Variants in SRSF3 observed in about 807,000 individuals in gnomAD.
SRSF3 encodes serine/arginine-rich splicing factor 3.
For synonymous variants in SRSF3, 87 were observed against 73.6 expected (o/e 1.18, Z -0.93); for missense variants, 58 against 217.1 (o/e 0.27, Z 4.61).
chr6:36,604,254 T>G lies in SRSF3; in HGVS notation c.*2265T>G, dbSNP rs879822634. On this transcript the variant is annotated 3_prime_UTR_variant, in exon 6 of 6. Coordinates refer to ENST00000373715, the MANE Select transcript of SRSF3 (RefSeq NM_003017.5). ...GATCAAGGTGTTCACTAGAAGTCAC[T>G]GTTACTAATACTTGATGACAATGTA... The G allele has an allele frequency of 4.6e-6, 1 of 217,058 alleles. No homozygotes were observed. The highest frequency in any genetic ancestry group is 5.8e-5 in the Admixed American group (1 of 17,236). 13.4% of individuals were successfully genotyped at this position (217,058 alleles called of 1,614,324 possible).
rs534013673 is a variant in SRSF3, at chr6:36,605,094, T to C, written c.*3105T>C. On this transcript the variant is annotated 3_prime_UTR_variant, in exon 6 of 6. Transcript: ENST00000373715. ...TCCAGTAGTGTTGAATTTGATTTTA[T>C]GTCCACTCTAATTTTTTTCATCCTG... The C allele has an allele frequency of 3.3e-5, 5 of 152,360 alleles. No homozygotes were observed. The South Asian group carries it at 1.0e-3, about 32-fold the overall frequency. 9.4% of individuals were successfully genotyped at this position (152,360 alleles called of 1,614,324 possible).
At chr6:36,597,078 CTTTAGATACAATTGGGATCTTTTTTTT>C in intron 2 of SRSF3, 110 bp downstream of exon 2, 2 of 564,286 alleles carry the variant, frequency 3.5e-6, no homozygotes, top group Non-Finnish European at 6.2e-6. Flanking sequence ...CCAATTGTAT[CTTTAGATACAATTGGGATCTTTTTTTT>C]TTTTTTTTTT....
chr6:36,601,687 A>T lies in SRSF3; in HGVS notation c.381-21A>T, dbSNP rs766819071. On this transcript the variant is annotated intron_variant, in intron 4 of 5. Transcript: ENST00000373715. ...AATTTTATCATACCTCATTGGTCCTAATGTTTTTTTGCTTGTTTAGGTCCC... is the reference window on the plus strand; with the variant it reads ...AATTTTATCATACCTCATTGGTCCTTATGTTTTTTTGCTTGTTTAGGTCCC... The T allele has an allele frequency of 3.2e-6, 5 of 1,576,068 alleles. No homozygotes were observed. The South Asian group carries it at 5.6e-5, about 18-fold the overall frequency.
intron 3 of SRSF3, chr6:36,600,188 A>AT (rs1454740539): frequency 9.4e-7 from 1 of 1,068,238 alleles, no homozygotes; most frequent in African/African-American, 1.7e-5. Context: ...CCAACGCAAC[A>AT]TCTGGCAAAA....
intron 3 of SRSF3, 30 bp from the exon 4 acceptor site, chr6:36,601,122 T>G (rs1030985881): frequency 6.2e-7 from 1 of 1,607,626 alleles, no homozygotes; most frequent in Admixed American, 1.7e-5. Context: ...TAATTGATGA[T>G]GAGCCTAATT....
intron 2 of SRSF3, 58 bp downstream of exon 2, chr6:36,597,026 C>G: frequency 2.0e-6 from 3 of 1,512,832 alleles, no homozygotes; most frequent in Non-Finnish European, 2.7e-6. Context: ...TATTTAAAAT[C>G]TACAGGATAT....
chr6:36,603,726 T>C lies in SRSF3; in HGVS notation c.*1737T>C, dbSNP rs1778761711. 8.7e-6 allele frequency: 2 copies of C among 230,580 alleles called. No homozygotes were observed. 14.3% of individuals were successfully genotyped at this position (230,580 alleles called of 1,614,324 possible). On this transcript the variant is annotated 3_prime_UTR_variant, in exon 6 of 6. Transcript: ENST00000373715. Reference sequence around the variant, plus strand: ...GCATTTTGTCTTTAGTATTCTCACATAGCCTACAACCTGTTCCTGTTAGGA... The same window carrying C: ...GCATTTTGTCTTTAGTATTCTCACACAGCCTACAACCTGTTCCTGTTAGGA...
intron 5 of SRSF3, 72 bp from the exon 6 acceptor site, chr6:36,601,890 T>G: frequency 6.3e-7 from 1 of 1,593,468 alleles, no homozygotes; most frequent in South Asian, 1.2e-5. Flanking sequence ...AAGTTCTATT[T>G]CGATATGTCA....
In SRSF3 at chr6:36,603,289, T is replaced by TC. The variant is rs1006137949; in HGVS notation, c.*1301dup. 5 of 225,028 alleles carry TC rather than the reference T, an allele frequency of 2.2e-5. No individual in the cohort carries two copies. Among genetic ancestry groups the TC allele is most frequent in the African/African-American group, 1.1e-4 (5 of 44,886 alleles). 13.9% of individuals were successfully genotyped at this position (225,028 alleles called of 1,614,324 possible). A position where few individuals can be genotyped will look rare whatever the true frequency, so the allele number is the denominator to read the frequency against. Reference sequence around the variant, plus strand: ...TGCATGGGAATTCTAAGCTGATCCATCATGATGTAAAAGTTCACAATATGG... The same window carrying TC: ...TGCATGGGAATTCTAAGCTGATCCATCCATGATGTAAAAGTTCACAATATGG... On this transcript the variant is annotated 3_prime_UTR_variant, in exon 6 of 6. Transcript: ENST00000373715.
intron 3 of SRSF3, chr6:36,600,398 A>G: frequency 1.8e-6 from 1 of 567,302 alleles, no homozygotes; most frequent in Non-Finnish European, 2.2e-6. Context: ...GTACATATAT[A>G]TTGCTTGAAA....
chr6:36,601,259 A>G, intron 4 of SRSF3, 69 bp downstream of exon 4: 6 of 1,534,398 alleles, frequency 3.9e-6, no homozygotes, highest in Middle Eastern at 1.7e-4. Context: ...AAACTTTTCC[A>G]GGTGGCTTAG....
At chr6:36,596,560 A>C (rs1778630441) in intron 1 of SRSF3, among the ~76,000 whole-genome samples, 1 of 53,738 alleles carries the variant, frequency 1.9e-5, no homozygotes, top group Non-Finnish European at 3.5e-5. Context: ...AGTAAAGATA[A>C]TGGGGCGGGG....
chr6:36,603,879 A>G lies in SRSF3; in HGVS notation c.*1890A>G. 1 of 231,084 alleles carries G rather than the reference A, an allele frequency of 4.3e-6. No homozygotes were observed. The highest frequency in any genetic ancestry group is 8.6e-6 in the Non-Finnish European group (1 of 116,762). The allele number at this position is 231,084 out of a possible 1,614,324, so 14.3% of individuals were successfully genotyped here. On this transcript the variant is annotated 3_prime_UTR_variant, in exon 6 of 6. Transcript: ENST00000373715. The stretch of plus-strand genomic sequence containing the variant: ...ACTTCCTTGCAGGCTCTTAAGTTGG[A>G]AGGGTTTCTGTAAAAAGGACAGTTA...
At chr6:36,597,091 T>G in intron 2 of SRSF3, 123 bp downstream of exon 2, 1 of 670,122 alleles carries the variant, frequency 1.5e-6, no homozygotes, top group Non-Finnish European at 2.4e-6. Flanking sequence ...TAGATACAAT[T>G]GGGATCTTTT....
chr6:36,599,021 A>G, intron 3 of SRSF3, 38 bp downstream of exon 3: 1 of 1,609,120 alleles, frequency 6.2e-7, no homozygotes, highest in South Asian at 1.1e-5. Context: ...TATTGGTGTA[A>G]TGGAGTAGCT....
chr6:36,598,339 G>GT (rs1435891403), intron 2 of SRSF3: 1 of 152,328 alleles, frequency 6.6e-6, no homozygotes, highest in Non-Finnish European at 1.5e-5. Context: ...AATCCTATTT[G>GT]TTTAATTTGA....
At chr6:36,595,932 G>GTT (rs3834290) in intron 1 of SRSF3, among the ~76,000 whole-genome samples, 67 of 150,964 alleles carry the variant, frequency 4.4e-4, no homozygotes, top group South Asian at 2.9e-3. Context: ...TTTATTTGTG[G>GTT]TTTTTTTTTG....
At chr6:36,595,139 G>C (rs754712849) in intron 1 of SRSF3, among the ~76,000 whole-genome samples, 3 of 152,190 alleles carry the variant, frequency 2.0e-5, no homozygotes, top group Non-Finnish European at 4.4e-5. Flanking sequence ...AATTAGACAA[G>C]CCCAGAGTAA....
intron 1 of SRSF3, among the ~76,000 whole-genome samples, chr6:36,596,488 T>C (rs894983352): frequency 1.3e-5 from 2 of 150,744 alleles, no homozygotes; most frequent in Non-Finnish European, 2.9e-5. Flanking sequence ...CCTCCAGTTG[T>C]TCTCAACGTT....
Sources: allele counts gnomAD v4.1 joint callset (sites outside exome capture counted in the v4.1 genomes callset), GRCh38; gene constraint gnomAD v4.1.1; transcripts MANE v1.5; gene names NCBI Gene and HGNC (gene_info 2026-07-23, HGNC 2026-07-21).